SRSF7: variants seen among roughly 807,000 people sequenced by gnomAD.
The protein encoded by SRSF7 is serine and arginine rich splicing factor 7.
Under a neutral mutation model 42.2 loss-of-function variants are expected in SRSF7, and 15 were observed. The ratio of observed to expected loss-of-function variants is 0.36; its 90% CI spans 0.24 to 0.55. The LOEUF (loss-of-function observed/expected upper bound fraction) is 0.55. SRSF7 is among the 20% of genes least tolerant of loss of function. The pLI is 0.88. For synonymous variants in SRSF7, 138 were observed against 107.9 expected, an observed-to-expected ratio of 1.28 and a Z score of -1.73; for missense variants, 181 against 305.9, an observed-to-expected ratio of 0.59 and a Z score of 3.04.
chr2:38,751,219 A>C lies in SRSF7; in HGVS notation c.28+10T>G. The C allele has an allele frequency of 1.2e-6, 2 of 1,613,978 alleles. No homozygotes were observed. Among genetic ancestry groups the C allele is most frequent in the Non-Finnish European group, 1.7e-6 (2 of 1,179,934 alleles). On this transcript the variant is annotated intron_variant, in intron 1 of 7. Transcript: ENST00000313117. Reference sequence around the variant, plus strand: ...ACACCAACGTCCCTCACCGGACTCCAGCTTCTTACCTCCTCCGTACCGCCC... The same window carrying C: ...ACACCAACGTCCCTCACCGGACTCCCGCTTCTTACCTCCTCCGTACCGCCC...
intron 6 of SRSF7, among the ~76,000 whole-genome samples, 187 bp from the exon 7 acceptor site, chr2:38,746,366 C>T (rs929113858): frequency 2.0e-4 from 31 of 152,206 alleles, no homozygotes; most frequent in Admixed American, 6.5e-5. Context: ...CAAAAAATGA[C>T]TCAATTACTA....
upstream of SRSF7, chr2:38,751,372 C>T (rs187917886): frequency 1.4e-5 from 20 of 1,444,032 alleles, no homozygotes; most frequent in Admixed American, 1.2e-4. Flanking sequence ...GAGGAAGAGC[C>T]CGGGTTCGCG....
chr2:38,743,892 C>T lies in SRSF7; in HGVS notation c.*1241G>A. Reference sequence around the variant, plus strand: ...GGACAAGCCTAGGTATCTGCGCAACCAGCAGGTTTTTTTTTTTTTGTACCA... The same window carrying T: ...GGACAAGCCTAGGTATCTGCGCAACTAGCAGGTTTTTTTTTTTTTGTACCA... On this transcript the variant is annotated 3_prime_UTR_variant, in exon 8 of 8. Transcript: ENST00000313117. 1 of 123,688 alleles carries T rather than the reference C, an allele frequency of 8.1e-6. No homozygotes were observed. The highest frequency in any genetic ancestry group is 1.7e-5 in the Non-Finnish European group (1 of 59,230). The allele number at this position is 123,688 out of a possible 1,614,324, so 7.7% of individuals were successfully genotyped here. A position where few individuals can be genotyped will look rare whatever the true frequency, so the allele number is the denominator to read the frequency against.
At chr2:38,749,447 A>G in intron 3 of SRSF7, 82 bp downstream of exon 3, 4 of 1,553,716 alleles carry the variant, frequency 2.6e-6, no homozygotes, top group South Asian at 1.2e-5. Context: ...AAGTTTATAG[A>G]AAAACACTAG....
In SRSF7 at chr2:38,751,322, G is replaced by T; in HGVS notation, c.-66C>A. The T allele has an allele frequency of 4.4e-6, 7 of 1,608,876 alleles. No homozygotes were observed. The highest frequency in any genetic ancestry group is 1.7e-5 in the Admixed American group (1 of 59,954). ...CCAGGGCTCGAGTGACGCAAAAGCT[G>T]ACACACACCTTCACCCGCCAAGAGT... is the stretch of plus-strand genomic sequence containing the variant. On this transcript the variant is annotated 5_prime_UTR_variant, in exon 1 of 8. Coordinates refer to ENST00000313117, the MANE Select transcript of SRSF7 (RefSeq NM_001031684.3).
chr2:38,746,061 A>C, intron 7 of SRSF7, 83 bp downstream of exon 7: 1 of 1,415,058 alleles, frequency 7.1e-7, no homozygotes, highest in Admixed American at 1.7e-5. Context: ...CAAAGAGCTC[A>C]AAGACTGCAA....
rs1244164283 is a variant in SRSF7 at position 38,748,173 on chromosome 2, T to A, written c.462-16A>T. On this transcript the variant is annotated splice_polypyrimidine_tract_variant and intron_variant, in intron 4 of 7. Coordinates refer to ENST00000313117, the MANE Select transcript of SRSF7 (RefSeq NM_001031684.3). ...TGACCTTGACCTAAAATAAAGAACT[T>A]TAAGTCCATCTCCACAGTTTTTTTT... 6.3e-7 allele frequency: 1 copy of A among 1,595,168 alleles called. No individual in the cohort carries two copies. The highest frequency in any genetic ancestry group is 8.5e-7 in the Non-Finnish European group (1 of 1,170,162).
intron 3 of SRSF7, 117 bp downstream of exon 3, chr2:38,749,412 A>C: frequency 6.4e-7 from 1 of 1,571,940 alleles, no homozygotes; most frequent in East Asian, 2.3e-5. Context: ...AAAAATTGTA[A>C]AATACACCTG....
intron 5 of SRSF7, 91 bp from the exon 6 acceptor site, chr2:38,746,838 A>C: frequency 6.4e-7 from 1 of 1,567,490 alleles, no homozygotes; most frequent in Non-Finnish European, 8.6e-7. Flanking sequence ...GGTCAGGCAT[A>C]AAGAAGCTAA....
In SRSF7 at chr2:38,750,000, A is replaced by G; in HGVS notation, c.209+14T>C. The G allele has an allele frequency of 6.3e-7, 1 of 1,596,376 alleles. No homozygotes were observed. Among genetic ancestry groups the G allele is most frequent in the Non-Finnish European group, 8.5e-7 (1 of 1,172,970 alleles). On this transcript the variant is annotated intron_variant, in intron 2 of 7. Coordinates refer to ENST00000313117, the MANE Select transcript of SRSF7 (RefSeq NM_001031684.3). Reference sequence around the variant, plus strand: ...ATATTTTAATGAACAGAAGATTCATAACATCTTACTTACTTTCCATCCAGT... The same window carrying G: ...ATATTTTAATGAACAGAAGATTCATGACATCTTACTTACTTTCCATCCAGT...
rs1667488095 is a variant in SRSF7 at position 38,746,818 on chromosome 2, GTA to G, written c.573-73_573-72del. ...GGAATTTCCTTAACTACTCAACACT[GTA>G]TTAGGTTGGTCAGGCATAAAGAAGC... On this transcript the variant is annotated intron_variant, in intron 5 of 7. Coordinates refer to ENST00000313117, the MANE Select transcript of SRSF7 (RefSeq NM_001031684.3). 4.4e-6 allele frequency: 7 copies of G among 1,591,792 alleles called. No homozygotes were observed. The Admixed American group carries it at 1.2e-4, about 28-fold the overall frequency.
upstream of SRSF7, chr2:38,751,396 C>T (rs1668351950): frequency 3.5e-6 from 4 of 1,151,498 alleles, no homozygotes; most frequent in African/African-American, 1.5e-5. Context: ...ATATATGCGG[C>T]CGCTGCGCTT....
rs778619037 is a variant in SRSF7 at position 38,746,757 on chromosome 2, A to G, written c.573-10T>C. ...TGACCTCGACGGGGATCTTAATAAA[A>G]AAAGTGAAAAACACAATTATATCAA... On this transcript the variant is annotated splice_polypyrimidine_tract_variant and intron_variant, in intron 5 of 7. Transcript: ENST00000313117. 6.2e-7 allele frequency: 1 copy of G among 1,613,606 alleles called. No homozygotes were observed. Among genetic ancestry groups the G allele is most frequent in the Admixed American group, 1.7e-5 (1 of 59,932 alleles).
At chr2:38,747,222 G>T in intron 5 of SRSF7, 1 of 367,552 alleles carries the variant, frequency 2.7e-6, no homozygotes, top group Non-Finnish European at 5.6e-6. Context: ...CATTTGTAAG[G>T]CTTTATTCCT....
At chr2:38,747,463 TGTTGC>T (rs1558609951) in intron 5 of SRSF7, among the ~76,000 whole-genome samples, 1 of 152,230 alleles carries the variant, frequency 6.6e-6, no homozygotes, top group African/African-American at 2.4e-5. Context: ...GTTAATTACA[TGTTGC>T]AATACTTATT....
chr2:38,745,043 T>C lies in SRSF7; in HGVS notation c.*90A>G. ...CCATTTTGATTAGATGGTTGAATTA[T>C]CTTTCCTAGGTTACACTTTACAGAC... On this transcript the variant is annotated 3_prime_UTR_variant, in exon 8 of 8. Transcript: ENST00000313117. 1.5e-6 allele frequency: 2 copies of C among 1,295,280 alleles called. No individual in the cohort carries two copies. The highest frequency in any genetic ancestry group is 2.2e-6 in the Non-Finnish European group (2 of 917,510). The allele number at this position is 1,295,280 out of a possible 1,614,324, so 80.2% of individuals were successfully genotyped here. A position where few individuals can be genotyped will look rare whatever the true frequency, so the allele number is the denominator to read the frequency against.
At position 38,748,499 on chromosome 2, in the gene SRSF7, AAAT is replaced by A. The variant is rs534091907; in HGVS notation, c.461+77_461+79del. The A allele has an allele frequency of 6.2e-4, 918 of 1,480,942 alleles. 5 individuals are homozygous for A. In the African/African-American group the frequency reaches 0.011, roughly 17 times the overall value. The allele number at this position is 1,480,942 out of a possible 1,614,324, so 91.7% of individuals were successfully genotyped here. ...CAGAGCAAGACCCTGTCTCCAAAAAAAATAATGAGCTTTTTCTGTGTTGGACTA... is the reference window on the plus strand; with the variant it reads ...CAGAGCAAGACCCTGTCTCCAAAAAAAATGAGCTTTTTCTGTGTTGGACTA... On this transcript the variant is annotated intron_variant, in intron 4 of 7. Transcript: ENST00000313117.
chr2:38,750,819 C>T, intron 1 of SRSF7: 1 of 221,428 alleles, frequency 4.5e-6, no homozygotes, highest in South Asian at 6.5e-5. Flanking sequence ...CAACCACGAT[C>T]TTACAGCTGC....
At chr2:38,749,967 G>C (rs777425145) in intron 2 of SRSF7, 47 bp downstream of exon 2, 2 of 1,545,196 alleles carry the variant, frequency 1.3e-6, no homozygotes, top group Admixed American at 2.0e-5. Context: ...TCATTATCTA[G>C]CCACAGTATA....
Sources: gnomAD v4.1 joint callset for allele counts (sites outside exome capture counted in the v4.1 genomes callset) on GRCh38, gnomAD v4.1.1 for gene constraint, MANE v1.5 for transcripts, NCBI Gene and HGNC (gene_info 2026-07-23, HGNC 2026-07-21) for gene names.